The following CSMD3 variants were observed in gnomAD, a reference collection of about 807,000 sequenced individuals.
CSMD3 encodes CUB and sushi domain-containing protein 3.
CSMD3 carries 177 observed loss-of-function variants against 435.2 expected under a neutral mutation model. That is an observed-to-expected ratio of 0.41 (90% CI 0.36 to 0.46). The LOEUF (loss-of-function observed/expected upper bound fraction) is 0.46. Ranked by LOEUF, CSMD3 falls within the 20% of genes least tolerant of loss-of-function variation. The pLI is 0.34. For missense variants in CSMD3, 4,265 were observed against 4,504.6 expected, an observed-to-expected ratio of 0.95 and a Z score of 1.52; for synonymous variants, 1,656 against 1,520.5, an observed-to-expected ratio of 1.09 and a Z score of -2.07.
chr8:113,120,004 C>T (rs923734119), intron 4 of CSMD3, among the ~76,000 whole-genome samples: 7 of 151,670 alleles, frequency 4.6e-5, no homozygotes, highest in Admixed American at 2.6e-4. Flanking sequence ...ACTCATTACA[C>T]AAATAAAAAA....
chr8:113,307,358 A>T (rs1301005916), intron 2 of CSMD3, among the ~76,000 whole-genome samples: 1 of 152,144 alleles, frequency 6.6e-6, no homozygotes, highest in Non-Finnish European at 1.5e-5. Flanking sequence ...CTTAAATAGA[A>T]CAAAATGAAC....
chr8:113,214,702 A>G (rs2092880720), intron 3 of CSMD3, among the ~76,000 whole-genome samples: 1 of 151,874 alleles, frequency 6.6e-6, no homozygotes, highest in South Asian at 2.1e-4. Flanking sequence ...AGGAATGCCT[A>G]AAAATACTAT....
intron 32 of CSMD3, among the ~76,000 whole-genome samples, chr8:112,419,578 T>C (rs1459124859): frequency 6.6e-6 from 1 of 152,194 alleles, no homozygotes; most frequent in Middle Eastern, 3.2e-3. Context: ...GATACTTTTG[T>C]CAACCCATAA....
chr8:112,785,765 T>G (rs2355822), intron 13 of CSMD3, among the ~76,000 whole-genome samples: 67,924 of 151,748 alleles, frequency 0.45, 16,277 homozygotes, highest in Non-Finnish European at 0.52. Flanking sequence ...TTATAAAACA[T>G]TTACGCAAGA....
chr8:112,671,873 T>G (rs1330802079), intron 16 of CSMD3, among the ~76,000 whole-genome samples: 1 of 152,110 alleles, frequency 6.6e-6, no homozygotes, highest in African/African-American at 2.4e-5. Context: ...AGGTTTTTAG[T>G]ATAATTTTGA....
intron 6 of CSMD3, among the ~76,000 whole-genome samples, chr8:113,000,123 GACTGAGGAAGAATC>G (rs528350686): frequency 9.9e-4 from 150 of 152,076 alleles, no homozygotes; most frequent in African/African-American, 3.4e-3. Context: ...TGACAAAGGA[GACTGAGGAAGAATC>G]ACGGTTAAAG....
intron 10 of CSMD3, among the ~76,000 whole-genome samples, chr8:112,885,961 C>T (rs1461984558): frequency 6.6e-6 from 1 of 151,628 alleles, no homozygotes; most frequent in Non-Finnish European, 1.5e-5. Flanking sequence ...TACTATATGA[C>T]TATCTTAAGG....
intron 68 of CSMD3, among the ~76,000 whole-genome samples, chr8:112,232,180 A>C (rs1372959550): frequency 6.6e-6 from 1 of 152,216 alleles, no homozygotes; most frequent in African/African-American, 2.4e-5. Flanking sequence ...ATACTATATG[A>C]TTCCATTCAT....
At chr8:112,377,726 AC>A (rs1487513459) in intron 38 of CSMD3, among the ~76,000 whole-genome samples, 2 of 152,138 alleles carry the variant, frequency 1.3e-5, no homozygotes, top group East Asian at 3.9e-4. Context: ...TATTACATTA[AC>A]AGAGTGAAGA....
chr8:113,363,353 T>G (rs2133002854), intron 1 of CSMD3, among the ~76,000 whole-genome samples: 1 of 152,296 alleles, frequency 6.6e-6, no homozygotes, highest in Admixed American at 6.5e-5. Context: ...ATTCCATGGC[T>G]TGTGCTTTAA....
intron 27 of CSMD3, among the ~76,000 whole-genome samples, chr8:112,524,354 T>C (rs535378554): frequency 6.6e-6 from 1 of 151,374 alleles, no homozygotes; most frequent in African/African-American, 2.4e-5. Context: ...AAAAAAGAAA[T>C]AAAAATTATG....
At chr8:112,323,496 G>A (rs1470467789) in intron 45 of CSMD3, among the ~76,000 whole-genome samples, 3 of 151,906 alleles carry the variant, frequency 2.0e-5, no homozygotes, top group Admixed American at 2.0e-4. Flanking sequence ...AAAATTATGG[G>A]GGTACCCTTA....
chr8:113,090,984 C>T (rs1351391), intron 5 of CSMD3, among the ~76,000 whole-genome samples: 103,335 of 151,936 alleles, frequency 0.68, 36,975 homozygotes, highest in East Asian at 0.95. Flanking sequence ...GAAAAAAATA[C>T]ATAGAGAGAG....
At chr8:112,935,921 T>C (rs2083267505) in intron 9 of CSMD3, among the ~76,000 whole-genome samples, 1 of 152,046 alleles carries the variant, frequency 6.6e-6, no homozygotes, top group South Asian at 2.1e-4. Context: ...GAGATGATAG[T>C]GGCTTGCATT....
chr8:113,236,220 ACTT>A (rs1480401124), intron 3 of CSMD3, among the ~76,000 whole-genome samples: 1 of 152,204 alleles, frequency 6.6e-6, no homozygotes, highest in African/African-American at 2.4e-5. Flanking sequence ...GCCTTTGCAT[ACTT>A]GACCTTGCCA....
chr8:112,275,503 CA>C (rs1817960279), intron 59 of CSMD3, among the ~76,000 whole-genome samples: 1 of 152,018 alleles, frequency 6.6e-6, no homozygotes, highest in African/African-American at 2.4e-5. Context: ...GCCAAAATTG[CA>C]CCATTGCACT....
chr8:112,253,053 T>C (rs1047976367), intron 63 of CSMD3, among the ~76,000 whole-genome samples: 8 of 151,896 alleles, frequency 5.3e-5, no homozygotes, highest in Admixed American at 2.6e-4. Flanking sequence ...AAATAATATT[T>C]ACTAAAAAAA....
chr8:113,168,118 G>A (rs987533498), intron 4 of CSMD3, among the ~76,000 whole-genome samples: 3 of 152,022 alleles, frequency 2.0e-5, no homozygotes, highest in African/African-American at 4.8e-5. Context: ...TACCACTGAC[G>A]CTACTCTCTC....
chr8:112,281,193 T>A lies in CSMD3; in HGVS notation c.9489A>T (p.Gly3163=), dbSNP rs778075377. 1.2e-6 allele frequency: 2 copies of A among 1,612,726 alleles called. No individual in the cohort carries two copies. Among genetic ancestry groups the A allele is most frequent in the Non-Finnish European group, 1.7e-6 (2 of 1,178,980 alleles). The change falls in exon 59 of 71, where the codon GGA becomes GGT. Residue 3163 remains glycine (G), a synonymous_variant. Transcript: ENST00000297405. ...RQCTANGTWS[G]TLPNCTIISC... is the part of the protein sequence containing the mutation. ...ACTTACTTGTACAGTTAGGTAAAGT[T>A]CCAGACCATGTTCCATTGGCTGTGC...
Sources: allele counts gnomAD v4.1 joint callset (sites outside exome capture counted in the v4.1 genomes callset), GRCh38; gene constraint gnomAD v4.1.1; transcripts MANE v1.5; gene names NCBI Gene and HGNC (gene_info 2026-07-23, HGNC 2026-07-21).